The following GSK3B variants were observed in gnomAD, a reference collection of about 807,000 sequenced individuals.
GSK3B encodes glycogen synthase kinase-3 beta.
GSK3B carries 15 observed loss-of-function variants against 56.4 expected under a neutral mutation model. The ratio of observed to expected loss-of-function variants is 0.27; its 90% CI spans 0.18 to 0.41. The LOEUF is 0.41. GSK3B is among the 10% of genes least tolerant of loss of function. The pLI is 1.00. For synonymous variants in GSK3B, 181 were observed against 188.9 expected, an observed-to-expected ratio of 0.96 and a Z score of 0.34; for missense variants, 300 against 513.4, an observed-to-expected ratio of 0.58 and a Z score of 4.02.
chr3:119,994,050 G>A lies in GSK3B; in HGVS notation c.282+7996C>T, dbSNP rs180743995. 2.4e-3 allele frequency among the ~76,000 whole-genome samples: 370 copies of A among 152,206 alleles called. 3 individuals carry two copies. The highest frequency in any genetic ancestry group is 8.7e-3 in the African/African-American group (362 of 41,534). On this transcript the variant is annotated intron_variant, in intron 2 of 10. Transcript: ENST00000264235. ...CTATTTTTTTCTATTTTTTAGTAGA[G>A]ACGGGGTTTCACCATGTTAGCCAGG...
intron 2 of GSK3B, among the ~76,000 whole-genome samples, chr3:119,966,929 T>G (rs539656105): frequency 1.6e-3 from 247 of 152,268 alleles, no homozygotes; most frequent in African/African-American, 5.7e-3. Flanking sequence ...AACAAATGAA[T>G]GTAAGACTTA....
At chr3:119,852,789 ATTTG>A (rs1479257022) in intron 9 of GSK3B, among the ~76,000 whole-genome samples, 2 of 152,164 alleles carry the variant, frequency 1.3e-5, no homozygotes, top group Admixed American at 6.5e-5. Context: ...TTTCTTGTAA[ATTTG>A]TTTAAGTTCT....
intron 2 of GSK3B, among the ~76,000 whole-genome samples, chr3:119,981,658 C>T (rs2057464394): frequency 6.6e-6 from 1 of 152,268 alleles, no homozygotes; most frequent in Non-Finnish European, 1.5e-5. Flanking sequence ...TCTGCCATTG[C>T]TGAGGCTTGA....
At chr3:120,011,693 T>C (rs2057779825) in intron 1 of GSK3B, among the ~76,000 whole-genome samples, 1 of 152,198 alleles carries the variant, frequency 6.6e-6, no homozygotes, top group Non-Finnish European at 1.5e-5. Flanking sequence ...TGACTTGGCA[T>C]GAACATTAGT....
chr3:119,880,112 C>T (rs2056363658), intron 7 of GSK3B, among the ~76,000 whole-genome samples: 1 of 152,122 alleles, frequency 6.6e-6, no homozygotes, highest in African/African-American at 2.4e-5. Flanking sequence ...CTGTTTTCTC[C>T]ACATCCTTGT....
intron 2 of GSK3B, among the ~76,000 whole-genome samples, chr3:120,001,258 A>C (rs1360509601): frequency 6.6e-6 from 1 of 152,050 alleles, no homozygotes; most frequent in South Asian, 2.1e-4. Context: ...GGGGACGGGC[A>C]TGGTGGCTCA....
Position 120,004,110 on chromosome 3 carries a change from G to A in GSK3B, c.89-1871C>T, listed in dbSNP as rs762383733. ...GAAGATCCCCTCCCATGCCTGACTC[G>A]GCGGGTCCCACGCCCACACAGCCTT... On this transcript the variant is annotated intron_variant, in intron 1 of 10. Transcript: ENST00000264235. Among the ~76,000 whole-genome samples the A allele has an allele frequency of 4.6e-5, 7 of 152,328 alleles. No individual in the cohort carries two copies. The East Asian group carries it at 5.8e-4, about 13-fold the overall frequency.
Position 119,826,432 on chromosome 3 carries a change from TTGTGGAAGGGGCA to T in GSK3B, c.*343_*355del. Reference sequence around the variant, plus strand: ...CAGCACAGAAAAAGGTTTTCTTCTTTTGTGGAAGGGGCATGAGGCAGGAGTCCTGTTTTTAAAG... The same window carrying T: ...CAGCACAGAAAAAGGTTTTCTTCTTTTGAGGCAGGAGTCCTGTTTTTAAAG... On this transcript the variant is annotated 3_prime_UTR_variant, in exon 11 of 11. Coordinates refer to ENST00000264235, the MANE Select transcript of GSK3B (RefSeq NM_001146156.2). The T allele has an allele frequency of 2.3e-6, 1 of 440,724 alleles. No individual in the cohort carries two copies. Among genetic ancestry groups the T allele is most frequent in the Non-Finnish European group, 4.2e-6 (1 of 239,132 alleles). The allele number at this position is 440,724 out of a possible 1,614,324, so 27.3% of individuals were successfully genotyped here. A position where few individuals can be genotyped will look rare whatever the true frequency, so the allele number is the denominator to read the frequency against.
Position 119,902,641 on chromosome 3 carries a change from C to T in GSK3B, c.813+3114G>A, listed in dbSNP as rs565971187. Among the ~76,000 whole-genome samples the T allele has an allele frequency of 3.9e-5, 6 of 152,250 alleles. No homozygotes were observed. In the East Asian group the frequency reaches 5.8e-4, roughly 15 times the overall value. The stretch of plus-strand genomic sequence containing the variant: ...TGAACTCTTGACCTCAAGTGATCTG[C>T]GCACCTCGGCCTCCCAAAGTGTTGG... On this transcript the variant is annotated intron_variant, in intron 7 of 10. Transcript: ENST00000264235.
intron 1 of GSK3B, among the ~76,000 whole-genome samples, chr3:120,038,338 G>A (rs1172878332): frequency 6.6e-6 from 1 of 152,162 alleles, no homozygotes; most frequent in Non-Finnish European, 1.5e-5. Flanking sequence ...GCCAAGGTGG[G>A]TGTGCTCCTT....
chr3:120,013,279 A>T (rs2057795004), intron 1 of GSK3B, among the ~76,000 whole-genome samples: 1 of 152,166 alleles, frequency 6.6e-6, no homozygotes, highest in African/African-American at 2.4e-5. Context: ...ATTTTATTCA[A>T]ATGATAAATC....
At chr3:120,051,130 T>C (rs74698701) in intron 1 of GSK3B, among the ~76,000 whole-genome samples, 1 of 145,514 alleles carries the variant, frequency 6.9e-6, no homozygotes, top group Non-Finnish European at 1.5e-5. Flanking sequence ...TCAATTTCTT[T>C]TTTTTTTTTT....
intron 7 of GSK3B, among the ~76,000 whole-genome samples, chr3:119,879,269 C>T (rs542339698): frequency 1.3e-5 from 2 of 152,278 alleles, no homozygotes; most frequent in East Asian, 3.9e-4. Flanking sequence ...CAAGCTCCGG[C>T]TCCTGGGCTC....
chr3:120,020,040 G>A (rs550152599), intron 1 of GSK3B, among the ~76,000 whole-genome samples: 6 of 152,290 alleles, frequency 3.9e-5, no homozygotes, highest in East Asian at 3.9e-4. Flanking sequence ...CTGTTTATCA[G>A]CTAAAGCTTT....
intron 1 of GSK3B, among the ~76,000 whole-genome samples, chr3:120,057,135 A>G (rs2058197826): frequency 6.6e-6 from 1 of 152,242 alleles, no homozygotes; most frequent in Non-Finnish European, 1.5e-5. Flanking sequence ...ACAGAGCAAG[A>G]TTCTGTCTCA....
chr3:119,910,031 A>G (rs535075323), intron 6 of GSK3B, among the ~76,000 whole-genome samples: 129 of 152,208 alleles, frequency 8.5e-4, no homozygotes, highest in Non-Finnish European at 1.6e-3. Context: ...TGTTAGCAAT[A>G]TGGCCATACT....
intron 3 of GSK3B, 28 bp from the exon 4 acceptor site, chr3:119,923,511 A>C (rs199835769): frequency 9.0e-5 from 101 of 1,119,702 alleles, no homozygotes; most frequent in Non-Finnish European, 1.1e-4. Context: ...AAAAAACAAA[A>C]AACAAAACAG....
intron 1 of GSK3B, among the ~76,000 whole-genome samples, chr3:120,079,305 T>TACACACACAC (rs61338597): frequency 1.6e-5 from 2 of 128,418 alleles, no homozygotes; most frequent in Admixed American, 8.0e-5. Flanking sequence ...GACAGGAAAT[T>TACACACACAC]ACACACACAC....
rs569341993 is a variant in GSK3B at position 119,949,698 on chromosome 3, T to A, written c.283-2347A>T. On this transcript the variant is annotated intron_variant, in intron 2 of 10. Transcript: ENST00000264235. ...AAAGTGATACAATCAGATTTACCTT[T>A]CAGAAAAGCATTCTATCATTTGAAC... 5.4e-5 allele frequency among the ~76,000 whole-genome samples: 8 copies of A among 148,268 alleles called. No homozygotes were observed. In the South Asian group the frequency reaches 1.7e-3, roughly 31 times the overall value.
Sources: gnomAD v4.1 joint callset for allele counts (sites outside exome capture counted in the v4.1 genomes callset) on GRCh38, gnomAD v4.1.1 for gene constraint, MANE v1.5 for transcripts, NCBI Gene and HGNC (gene_info 2026-07-23, HGNC 2026-07-21) for gene names.